Variants in ABCA10 observed in about 807,000 individuals in gnomAD.
The protein encoded by ABCA10 is ATP binding cassette subfamily A member 10.
A neutral mutation model predicts 187.5 loss-of-function variants in ABCA10; 169 were observed. That is an observed-to-expected ratio of 0.90 (90% CI 0.80 to 1.02). The LOEUF is 1.02. Ranked by LOEUF, ABCA10 falls within the 50% of genes least tolerant of loss-of-function variation. The pLI, the probability that ABCA10 is intolerant of heterozygous loss-of-function variation, is 0.00. For synonymous variants in ABCA10, 574 were observed against 601.8 expected (o/e 0.95, Z 0.68); for missense variants, 1,727 against 1,812.4 (o/e 0.95, Z 0.86).
chr17:69,174,746 C>G lies in ABCA10; in HGVS notation c.2909G>C (p.Gly970Ala). 1.9e-6 allele frequency: 3 copies of G among 1,596,170 alleles called. No homozygotes were observed. The South Asian group carries it at 3.4e-5, about 18-fold the overall frequency. The change falls in exon 24 of 39, where the codon GGC becomes GCC. Residue 970 changes from glycine to alanine, a missense_variant. Coordinates refer to ENST00000690296, the MANE Select transcript of ABCA10 (RefSeq NM_001377321.1). ...KNVQSQLWIS[G>A]LWPSAYWCGQ... ...ACACCAGTATGCTGAAGGCCAGAGG[C>G]CTGAAATCCATAACTGGGATTGAAC...
chr17:69,208,451 A>C (rs899748643), intron 9 of ABCA10, among the ~76,000 whole-genome samples: 3 of 150,116 alleles, frequency 2.0e-5, no homozygotes, highest in African/African-American at 7.4e-5. Flanking sequence ...AGAATGTATT[A>C]GGAAAAAAAT....
At chr17:69,203,311 A>T (rs1445713754) in intron 9 of ABCA10, among the ~76,000 whole-genome samples, 1 of 152,186 alleles carries the variant, frequency 6.6e-6, no homozygotes, top group Non-Finnish European at 1.5e-5. Flanking sequence ...AAAATTCAAA[A>T]ATGAATTCAT....
chr17:69,168,771 A>G (rs2074273513), intron 25 of ABCA10, among the ~76,000 whole-genome samples: 1 of 152,148 alleles, frequency 6.6e-6, no homozygotes, highest in South Asian at 2.1e-4. Flanking sequence ...ATGATAGTGG[A>G]TGGGACCAAC....
intron 1 of ABCA10, among the ~76,000 whole-genome samples, chr17:69,240,282 C>G (rs2074895859): frequency 6.6e-6 from 1 of 152,168 alleles, no homozygotes. Flanking sequence ...ATGTCTTAAT[C>G]CTTGTTATTG....
At chr17:69,213,865 C>T (rs1266405023) in intron 9 of ABCA10, among the ~76,000 whole-genome samples, 1 of 152,202 alleles carries the variant, frequency 6.6e-6, no homozygotes, top group Non-Finnish European at 1.5e-5. Flanking sequence ...GGCCCCTCCC[C>T]TATTTTATTA....
At chr17:69,161,874 A>G (rs1057474534) in intron 27 of ABCA10, among the ~76,000 whole-genome samples, 6 of 152,228 alleles carry the variant, frequency 3.9e-5, no homozygotes, top group Non-Finnish European at 7.3e-5. Flanking sequence ...CAATGGCCCA[A>G]AGAAATTAGC....
chr17:69,215,940 C>G lies in ABCA10; in HGVS notation c.733G>C (p.Gly245Arg). ...CCCCAAAATACAGTGAAGAGAAATC[C>G]AGCCAAACCAGCGAGCATAGGTTTC... is the stretch of plus-strand genomic sequence containing the variant. The part of the protein sequence containing the change: ...IRKPMLAGLA[G>R]FLFTVFWGCL... The change falls in exon 8 of 39, where the codon GGA (glycine) becomes CGA (arginine). Residue 245 changes from glycine (G) to arginine (R), a missense_variant. Physicochemically the swap from Gly to Arg is moderately radical, Grantham distance 125. Coordinates refer to ENST00000690296, the MANE Select transcript of ABCA10 (RefSeq NM_001377321.1). The G allele has an allele frequency of 6.2e-7, 1 of 1,613,832 alleles. No homozygotes were observed. Among genetic ancestry groups the G allele is most frequent in the Non-Finnish European group, 8.5e-7 (1 of 1,179,914 alleles).
intron 27 of ABCA10, among the ~76,000 whole-genome samples, chr17:69,157,691 A>T (rs1042705096): frequency 2.0e-5 from 3 of 152,138 alleles, no homozygotes; most frequent in Non-Finnish European, 4.4e-5. Flanking sequence ...TAGGCAACTG[A>T]TATATGAATA....
intron 20 of ABCA10, among the ~76,000 whole-genome samples, chr17:69,184,077 T>C (rs1234688614): frequency 2.0e-5 from 3 of 152,130 alleles, no homozygotes; most frequent in Admixed American, 1.3e-4. Context: ...GAATGAGGCC[T>C]GTCACTGCCG....
rs1445150582 is a variant in ABCA10, at chr17:69,165,032, T to C, written c.3214A>G (p.Asn1072Asp). The C allele has an allele frequency of 4.4e-6, 7 of 1,607,124 alleles. No homozygotes were observed. In the South Asian group the frequency reaches 7.7e-5, roughly 18 times the overall value. ...IMVSTQYEKLNLILCMIFIPS... is the reference protein window; with the variant it reads ...IMVSTQYEKLDLILCMIFIPS... ...ATGAAAATCATGCACAAAATTAAGT[T>C]GAGTTTTTCATATTGAGTTGATACC... The change falls in exon 26 of 39, where the codon AAC becomes GAC. Residue 1072 changes from asparagine (N) to aspartate (D), a missense_variant. By Grantham distance (23) the Asn-to-Asp change is conservative (BLOSUM62 1). Coordinates refer to ENST00000690296, the MANE Select transcript of ABCA10 (RefSeq NM_001377321.1).
At chr17:69,235,395 T>C (rs1437316317) in intron 1 of ABCA10, among the ~76,000 whole-genome samples, 1 of 152,222 alleles carries the variant, frequency 6.6e-6, no homozygotes, top group African/African-American at 2.4e-5. Context: ...TTAAGTTTGT[T>C]GAATGGCTAG....
rs114251702 is a variant in ABCA10, at chr17:69,182,330, T to C, written c.2632-40A>G. ...CACAAATATAAGTTATAAATTCTTATAGTAAATATATTTATTGTATACTTT... is the reference window on the plus strand; with the variant it reads ...CACAAATATAAGTTATAAATTCTTACAGTAAATATATTTATTGTATACTTT... On this transcript the variant is annotated intron_variant, in intron 21 of 38. Transcript: ENST00000690296. 1,211 of 1,325,378 alleles carry C rather than the reference T, an allele frequency of 9.1e-4. 11 individuals carry two copies. In the African/African-American group the frequency reaches 0.014, roughly 15 times the overall value. The allele number at this position is 1,325,378 out of a possible 1,614,324, so 82.1% of individuals were successfully genotyped here.
At chr17:69,189,360 AT>A (rs1319703523) in intron 18 of ABCA10, among the ~76,000 whole-genome samples, 1 of 151,954 alleles carries the variant, frequency 6.6e-6, no homozygotes, top group Non-Finnish European at 1.5e-5. Context: ...TCCTTTGTCC[AT>A]TTTTTAATGG....
intron 11 of ABCA10, among the ~76,000 whole-genome samples, chr17:69,195,664 T>C (rs371293671): frequency 6.6e-6 from 1 of 150,556 alleles, no homozygotes; most frequent in Non-Finnish European, 1.5e-5. Flanking sequence ...CAGATAAACA[T>C]GTGAACAAGG....
chr17:69,177,262 G>T (rs908850530), intron 22 of ABCA10, among the ~76,000 whole-genome samples: 1 of 152,050 alleles, frequency 6.6e-6, no homozygotes, highest in African/African-American at 2.4e-5. Context: ...CTACAAAATT[G>T]TCTTCTTACA....
At chr17:69,214,977 T>C (rs9909083) in intron 8 of ABCA10, 126 bp from the exon 9 acceptor site, 435,341 of 616,958 alleles carry the variant, frequency 0.71, 155,530 homozygotes, top group African/African-American at 0.77. Context: ...CAAATATGCA[T>C]AGTAAATGTG....
intron 9 of ABCA10, among the ~76,000 whole-genome samples, chr17:69,203,421 G>A (rs1474940715): frequency 1.3e-5 from 2 of 152,010 alleles, no homozygotes; most frequent in Non-Finnish European, 2.9e-5. Context: ...GCCTGTCCTG[G>A]TCAGTGCCTC....
chr17:69,152,464 G>A lies in ABCA10; in HGVS notation c.4154C>T (p.Thr1385Ile). The A allele has an allele frequency of 6.2e-7, 1 of 1,612,902 alleles. No individual in the cohort carries two copies. The highest frequency in any genetic ancestry group is 8.5e-7 in the Non-Finnish European group (1 of 1,179,582). Residue 1385 changes from threonine to isoleucine, a missense_variant, in exon 35 of 39, where the codon ACC becomes ATC. Thr to Ile is a moderately conservative substitution (Grantham distance 89). Coordinates refer to ENST00000690296, the MANE Select transcript of ABCA10 (RefSeq NM_001377321.1). ...QQQMWQILQA[T>I]VKNKERGTLL... ...GGTGCCCCTCTCCTTGTTTTTAACG[G>A]TAGCCTGAAGTATCTGCCTAAAGAT... is the stretch of plus-strand genomic sequence containing the variant.
At chr17:69,240,769 C>T (rs940370667) in intron 1 of ABCA10, among the ~76,000 whole-genome samples, 1 of 152,212 alleles carries the variant, frequency 6.6e-6, no homozygotes, top group Admixed American at 6.5e-5. Flanking sequence ...CAATCACAAA[C>T]TCAATTTCAC....
Sources: gnomAD v4.1 joint callset for allele counts (sites outside exome capture counted in the v4.1 genomes callset) on GRCh38, gnomAD v4.1.1 for gene constraint, MANE v1.5 for transcripts, NCBI Gene and HGNC (gene_info 2026-07-23, HGNC 2026-07-21) for gene names.